Variants in HMCN1 observed in about 807,000 individuals in gnomAD.
HMCN1 encodes hemicentin 1.
In HMCN1, 321 loss-of-function variants were observed where a neutral mutation model predicts 625.9. The observed-to-expected ratio is 0.51, with a 90% CI of 0.47 to 0.56. HMCN1 has a LOEUF of 0.56. Ranked by LOEUF, HMCN1 falls within the 20% of genes least tolerant of loss-of-function variation. The pLI is 0.00. For synonymous variants in HMCN1, 2,425 were observed against 2,417.6 expected, an observed-to-expected ratio of 1.00 and a Z score of -0.09; for missense variants, 6,588 against 6,887.3, an observed-to-expected ratio of 0.96 and a Z score of 1.54.
intron 68 of HMCN1, 94 bp from the exon 69 acceptor site, chr1:186,103,378 G>T: frequency 1.0e-6 from 1 of 970,320 alleles, no homozygotes; most frequent in East Asian, 2.5e-5. Context: ...TTTATCATGT[G>T]AATGTGAATT....
At chr1:186,100,673 G>A (rs368626626) in intron 68 of HMCN1, among the ~76,000 whole-genome samples, 4 of 152,270 alleles carry the variant, frequency 2.6e-5, no homozygotes, top group East Asian at 1.9e-4. Flanking sequence ...AATGGATTCC[G>A]AGAGACCAGT....
chr1:185,807,355 A>T (rs1659233499), intron 1 of HMCN1, among the ~76,000 whole-genome samples: 1 of 152,220 alleles, frequency 6.6e-6, no homozygotes, highest in African/African-American at 2.4e-5. Flanking sequence ...TATACAGCCT[A>T]CATAGTTCAA....
chr1:185,889,126 A>C (rs1174322642), intron 4 of HMCN1, among the ~76,000 whole-genome samples: 25 of 143,382 alleles, frequency 1.7e-4, no homozygotes, highest in African/African-American at 7.2e-4. Context: ...TTGTTGGTGT[A>C]TAGGAATGCT....
At chr1:185,921,330 G>A (rs1666996324) in intron 6 of HMCN1, among the ~76,000 whole-genome samples, 1 of 152,132 alleles carries the variant, frequency 6.6e-6, no homozygotes, top group Non-Finnish European at 1.5e-5. Flanking sequence ...AAACATGGTA[G>A]CAACAGGGAC....
intron 4 of HMCN1, among the ~76,000 whole-genome samples, chr1:185,887,348 G>A (rs1046202471): frequency 6.6e-6 from 1 of 151,420 alleles, no homozygotes; most frequent in Admixed American, 6.6e-5. Context: ...GGGTACATGT[G>A]CACATTGTGC....
At chr1:185,798,230 C>G (rs936108186) in intron 1 of HMCN1, among the ~76,000 whole-genome samples, 1 of 151,988 alleles carries the variant, frequency 6.6e-6, no homozygotes, top group Non-Finnish European at 1.5e-5. Flanking sequence ...GAAATAAGAC[C>G]CTAATCTCTT....
chr1:185,954,844 C>T (rs1188880492), intron 11 of HMCN1, among the ~76,000 whole-genome samples: 1 of 152,092 alleles, frequency 6.6e-6, no homozygotes, highest in Non-Finnish European at 1.5e-5. Flanking sequence ...ATTTCTTATG[C>T]CCTCTTTATT....
chr1:186,033,598 A>G (rs1003425763), intron 36 of HMCN1, among the ~76,000 whole-genome samples: 1 of 98,856 alleles, frequency 1.0e-5, no homozygotes, highest in Non-Finnish European at 1.9e-5. Context: ...TTGTATTGTT[A>G]TTTTTTATTA....
intron 4 of HMCN1, among the ~76,000 whole-genome samples, chr1:185,894,852 T>C (rs1334545107): frequency 6.6e-6 from 1 of 152,212 alleles, no homozygotes; most frequent in African/African-American, 2.4e-5. Context: ...CTGAAGCTGT[T>C]ACCATTACTC....
intron 11 of HMCN1, among the ~76,000 whole-genome samples, chr1:185,959,260 C>A (rs1001752001): frequency 2.0e-5 from 3 of 152,140 alleles, no homozygotes; most frequent in Non-Finnish European, 4.4e-5. Context: ...ACAAATCAGA[C>A]CCAGCTGACA....
chr1:185,824,575 A>G (rs1660395826), intron 1 of HMCN1, among the ~76,000 whole-genome samples: 2 of 152,118 alleles, frequency 1.3e-5, no homozygotes, highest in African/African-American at 4.8e-5. Context: ...AATGGACACT[A>G]TATTGGTTGT....
At chr1:186,160,124 C>T (rs1421614836) in intron 97 of HMCN1, among the ~76,000 whole-genome samples, 2 of 151,590 alleles carry the variant, frequency 1.3e-5, no homozygotes, top group African/African-American at 4.9e-5. Flanking sequence ...ATTCAGAGTT[C>T]AACTTCTTCC....
intron 35 of HMCN1, among the ~76,000 whole-genome samples, chr1:186,020,514 TTCAG>T (rs1654654440): frequency 6.6e-6 from 1 of 152,070 alleles, no homozygotes; most frequent in Admixed American, 6.6e-5. Flanking sequence ...GTTTTTAGCC[TTCAG>T]TCATAGTGAA....
chr1:186,072,938 G>T (rs542800002), intron 52 of HMCN1, among the ~76,000 whole-genome samples: 18 of 152,310 alleles, frequency 1.2e-4, no homozygotes, highest in African/African-American at 3.6e-4. Flanking sequence ...ATTTCTTTCT[G>T]TACTTGGAGA....
chr1:185,803,205 C>G lies in HMCN1; in HGVS notation c.269-42821C>G, dbSNP rs201998186. 2.6e-4 allele frequency among the ~76,000 whole-genome samples: 15 copies of G among 58,780 alleles called. No homozygotes were observed. In the East Asian group the frequency reaches 5.2e-3, roughly 20 times the overall value. 38.6% of individuals were successfully genotyped at this position (58,780 alleles called of 152,430 possible). ...AGCAGAACCAAAAAAAAAAAAAAAG[C>G]AAAAAAAAAAAAAAAAAACAAAACA... On this transcript the variant is annotated intron_variant, in intron 1 of 106. Transcript: ENST00000271588.
chr1:185,947,390 G>A (rs1306048506), intron 11 of HMCN1, among the ~76,000 whole-genome samples: 3 of 152,346 alleles, frequency 2.0e-5, no homozygotes, highest in Non-Finnish European at 4.4e-5. Flanking sequence ...GGATACAGAT[G>A]TGGCTACCAT....
At chr1:186,095,593 A>T (rs1306802076) in intron 68 of HMCN1, 72 bp downstream of exon 68, 2 of 1,486,888 alleles carry the variant, frequency 1.3e-6, no homozygotes, top group Non-Finnish European at 1.8e-6. Flanking sequence ...AAATAAGTAT[A>T]ATTCTGAGAA....
intron 1 of HMCN1, among the ~76,000 whole-genome samples, chr1:185,819,825 A>G (rs1451979832): frequency 6.6e-6 from 1 of 152,220 alleles, no homozygotes; most frequent in Non-Finnish European, 1.5e-5. Flanking sequence ...GGAAAAGTCA[A>G]TAAAACAATT....
chr1:185,821,968 C>A (rs1660210765), intron 1 of HMCN1, among the ~76,000 whole-genome samples: 1 of 151,118 alleles, frequency 6.6e-6, no homozygotes, highest in Admixed American at 6.6e-5. Flanking sequence ...TCTGAAAAGG[C>A]TATGTACTGT....
Sources: allele counts gnomAD v4.1 joint callset (sites outside exome capture counted in the v4.1 genomes callset), GRCh38; gene constraint gnomAD v4.1.1; transcripts MANE v1.5; gene names NCBI Gene and HGNC (gene_info 2026-07-23, HGNC 2026-07-21).